The following STPG2 variants were observed in gnomAD, a reference collection of about 807,000 sequenced individuals.
STPG2 encodes sperm-tail PG-rich repeat-containing protein 2.
Under a neutral mutation model 54.2 loss-of-function variants are expected in STPG2, and 56 were observed. The observed-to-expected ratio is 1.03, with a 90% CI of 0.83 to 1.29. The LOEUF (loss-of-function observed/expected upper bound fraction) is 1.29, where lower values mean the gene tolerates loss of function less well. Among genes scored for constraint, STPG2 ranks in the 50% most tolerant of loss-of-function variants. STPG2 has a pLI of 0.00. For missense variants in STPG2, 596 were observed against 544.9 expected, an observed-to-expected ratio of 1.09 and a Z score of -0.93; for synonymous variants, 200 against 181.8, an observed-to-expected ratio of 1.10 and a Z score of -0.81.
chr4:98,141,424 T>G (rs1396290005), intron 1 of STPG2, among the ~76,000 whole-genome samples: 1 of 152,174 alleles, frequency 6.6e-6, no homozygotes, highest in Non-Finnish European at 1.5e-5. Flanking sequence ...CTCTCTGAAG[T>G]CTGCTATCTG....
intron 8 of STPG2, among the ~76,000 whole-genome samples, chr4:97,862,685 C>T (rs954638942): frequency 7.2e-5 from 11 of 152,240 alleles, no homozygotes; most frequent in African/African-American, 1.2e-4. Flanking sequence ...AAATTCACCA[C>T]GGAGTTGGAA....
At chr4:97,597,427 A>C (rs2148903203) in intron 10 of STPG2, among the ~76,000 whole-genome samples, 1 of 152,222 alleles carries the variant, frequency 6.6e-6, no homozygotes. Flanking sequence ...CATCATCCTG[A>C]TACCAAAACC....
chr4:97,885,249 C>G (rs1234225687), intron 8 of STPG2, among the ~76,000 whole-genome samples: 1 of 152,136 alleles, frequency 6.6e-6, no homozygotes, highest in Admixed American at 6.6e-5. Context: ...GAACTCAGAA[C>G]AGTGAGAACA....
chr4:97,742,812 G>A (rs1560511075), intron 9 of STPG2, among the ~76,000 whole-genome samples: 1 of 151,622 alleles, frequency 6.6e-6, no homozygotes, highest in South Asian at 2.1e-4. Flanking sequence ...AGTGATATAG[G>A]ATGAAGACTT....
intron 4 of STPG2, among the ~76,000 whole-genome samples, chr4:97,477,970 G>A (rs954276189): frequency 6.6e-6 from 1 of 152,148 alleles, no homozygotes; most frequent in African/African-American, 2.4e-5. Context: ...TCATGCACAG[G>A]TAAGGCTTGT....
intron 10 of STPG2, among the ~76,000 whole-genome samples, chr4:97,564,527 A>C (rs939476020): frequency 2.2e-4 from 34 of 152,138 alleles, no homozygotes; most frequent in Admixed American, 1.7e-3. Context: ...TCTTCCTAGC[A>C]TCGATGGTCT....
At chr4:97,989,334 T>A (rs1578759894) in intron 5 of STPG2, among the ~76,000 whole-genome samples, 1 of 152,304 alleles carries the variant, frequency 6.6e-6, no homozygotes, top group Non-Finnish European at 1.5e-5. Context: ...GCCGTATTCT[T>A]CTTCTCCCTA....
At chr4:97,974,544 ATG>A (rs561823364) in intron 6 of STPG2, among the ~76,000 whole-genome samples, 296 of 152,208 alleles carry the variant, frequency 1.9e-3, no homozygotes, top group African/African-American at 7.0e-3. Flanking sequence ...CACAATTCTT[ATG>A]TGTCTTGGGA....
chr4:97,791,913 G>A (rs544169532), intron 9 of STPG2, among the ~76,000 whole-genome samples: 1 of 151,378 alleles, frequency 6.6e-6, no homozygotes, highest in African/African-American at 2.4e-5. Flanking sequence ...ATAGCAAAAG[G>A]AAAAAAAATT....
chr4:98,017,326 A>T (rs7672127), intron 5 of STPG2, among the ~76,000 whole-genome samples: 1 of 151,878 alleles, frequency 6.6e-6, no homozygotes. Context: ...GTACCCACTG[A>T]TGTTGGCCTG....
intron 5 of STPG2, among the ~76,000 whole-genome samples, chr4:98,061,023 C>G (rs144870694): frequency 6.6e-6 from 1 of 152,064 alleles, no homozygotes; most frequent in African/African-American, 2.4e-5. Flanking sequence ...GATTTCATGA[C>G]GAAGATGCCA....
intron 8 of STPG2, among the ~76,000 whole-genome samples, chr4:97,871,530 T>C (rs1215667640): frequency 6.6e-6 from 1 of 151,124 alleles, no homozygotes; most frequent in African/African-American, 2.4e-5. Flanking sequence ...CAGACCTTGA[T>C]TTAAATAAAT....
At chr4:97,680,490 A>T (rs890098160) in intron 10 of STPG2, among the ~76,000 whole-genome samples, 9 of 152,110 alleles carry the variant, frequency 5.9e-5, no homozygotes, top group Non-Finnish European at 1.3e-4. Context: ...GTATCCTGAG[A>T]CTTTGCTGAA....
intron 10 of STPG2, among the ~76,000 whole-genome samples, chr4:97,643,423 T>C (rs75825288): frequency 0.04 from 6,075 of 150,788 alleles, 167 homozygotes; most frequent in Middle Eastern, 0.068. Flanking sequence ...CATATCATCT[T>C]AATTTCCACC....
intron 9 of STPG2, among the ~76,000 whole-genome samples, chr4:97,838,744 G>A (rs1728706820): frequency 6.6e-6 from 1 of 151,344 alleles, no homozygotes; most frequent in Non-Finnish European, 1.5e-5. Context: ...TATACCTTAA[G>A]GTAGCAGATT....
chr4:97,726,037 T>C (rs1418147435), intron 9 of STPG2, among the ~76,000 whole-genome samples: 1 of 151,784 alleles, frequency 6.6e-6, no homozygotes, highest in Non-Finnish European at 1.5e-5. Context: ...TATCTTGAAA[T>C]ATAAAGTCCT....
At position 97,874,022 on chromosome 4, in the gene STPG2, G is replaced by A. The variant is rs1416183958; in HGVS notation, c.1045-33090C>T. Among the ~76,000 whole-genome samples, 6 of 151,352 alleles carry A rather than the reference G, an allele frequency of 4.0e-5. No individual in the cohort carries two copies. In the East Asian group the frequency reaches 1.2e-3, roughly 29 times the overall value. On this transcript the variant is annotated intron_variant, in intron 8 of 10. Transcript: ENST00000295268. ...ATTAAAATAAAACAATGGATAAGTA[G>A]AATGGACATAATGAAAGAGAAGCTT...
intron 1 of STPG2, among the ~76,000 whole-genome samples, chr4:98,134,701 AAAG>A (rs1341095188): frequency 3.3e-5 from 5 of 151,440 alleles, no homozygotes; most frequent in African/African-American, 1.2e-4. Flanking sequence ...AAAAAAAACT[AAAG>A]AAAATAAAGC....
intron 8 of STPG2, among the ~76,000 whole-genome samples, chr4:97,900,987 T>C (rs965491807): frequency 2.6e-5 from 4 of 151,886 alleles, no homozygotes; most frequent in Non-Finnish European, 1.5e-5. Context: ...TTTGTTTTGA[T>C]TTTGCAAATC....
Sources: allele counts gnomAD v4.1 joint callset (sites outside exome capture counted in the v4.1 genomes callset), GRCh38; gene constraint gnomAD v4.1.1; transcripts MANE v1.5; gene names NCBI Gene and HGNC (gene_info 2026-07-23, HGNC 2026-07-21).